The following ZDHHC15 variants were observed in gnomAD, a reference collection of about 807,000 sequenced individuals.
The protein encoded by ZDHHC15 is zDHHC palmitoyltransferase 15.
Under a neutral mutation model 31.7 loss-of-function variants are expected in ZDHHC15, and 19 were observed. The ratio of observed to expected loss-of-function variants is 0.60; its 90% CI spans 0.42 to 0.88. The LOEUF (loss-of-function observed/expected upper bound fraction) is 0.88, where lower values mean the gene tolerates loss of function less well. Ranked by LOEUF, ZDHHC15 falls within the 40% of genes least tolerant of loss-of-function variation. The pLI, the probability that ZDHHC15 is intolerant of heterozygous loss-of-function variation, is 0.00. For synonymous variants in ZDHHC15, 103 were observed against 90.0 expected, an observed-to-expected ratio of 1.14 and a Z score of -0.82; for missense variants, 209 against 251.2, an observed-to-expected ratio of 0.83 and a Z score of 1.14.
chrX:75,432,223 C>T (rs2083788805), intron 4 of ZDHHC15, among the ~76,000 whole-genome samples: 1 of 111,472 alleles, frequency 9.0e-6, no homozygotes, highest in African/African-American at 3.3e-5. Context: ...TTTCTTCCTT[C>T]CTTCCTTTCC....
At chrX:75,471,148 G>C (rs1170305956) in intron 3 of ZDHHC15, among the ~76,000 whole-genome samples, 1 of 112,394 alleles carries the variant, frequency 8.9e-6, no homozygotes, top group African/African-American at 3.2e-5. Flanking sequence ...TGCAGACATT[G>C]ACTTAGTAAA....
intron 2 of ZDHHC15, among the ~76,000 whole-genome samples, chrX:75,485,584 G>C (rs1238114923): frequency 9.0e-6 from 1 of 111,387 alleles, no homozygotes; most frequent in Non-Finnish European, 1.9e-5. Flanking sequence ...TGTTGGGAAA[G>C]GCAAAGGAGG....
At chrX:75,452,376 C>T (rs776193669) in intron 3 of ZDHHC15, among the ~76,000 whole-genome samples, 1 of 110,777 alleles carries the variant, frequency 9.0e-6, no homozygotes, top group African/African-American at 3.3e-5. Flanking sequence ...ACAGGAGCAC[C>T]CAGATTCATA....
intron 3 of ZDHHC15, among the ~76,000 whole-genome samples, chrX:75,462,401 A>G (rs1364649138): frequency 8.9e-6 from 1 of 112,378 alleles, no homozygotes; most frequent in Non-Finnish European, 1.9e-5. Flanking sequence ...GCAGAACCCG[A>G]ACACATCTCT....
At chrX:75,384,670 A>G (rs772211549) in intron 10 of ZDHHC15, 105 of 811,843 alleles carry the variant, frequency 1.3e-4, no homozygotes, top group Non-Finnish European at 1.8e-4. Context: ...CCTGAAACGC[A>G]TGAATGAAAA....
At chrX:75,406,991 G>C (rs1391612350) in intron 10 of ZDHHC15, among the ~76,000 whole-genome samples, 1 of 112,485 alleles carries the variant, frequency 8.9e-6, no homozygotes. Context: ...AGTGCTCAAT[G>C]TTGCCCAGGC....
intron 9 of ZDHHC15, among the ~76,000 whole-genome samples, chrX:75,420,246 C>T (rs901294711): frequency 9.9e-5 from 11 of 110,913 alleles, no homozygotes; most frequent in African/African-American, 3.6e-4. Context: ...AAATCAAAAC[C>T]ACAATGAGAC....
intron 1 of ZDHHC15, among the ~76,000 whole-genome samples, chrX:75,521,967 G>A (rs976766215): frequency 3.6e-5 from 4 of 110,831 alleles, no homozygotes; most frequent in Admixed American, 1.9e-4. Context: ...CTTGTGGGAG[G>A]GTAAAAGAGG....
chrX:75,470,731 T>C (rs1316040814), intron 3 of ZDHHC15, among the ~76,000 whole-genome samples: 1 of 111,597 alleles, frequency 9.0e-6, no homozygotes, highest in Non-Finnish European at 1.9e-5. Flanking sequence ...ACTCATCTTG[T>C]GGTCATTTCC....
chrX:75,409,641 A>C (rs2083461784), intron 10 of ZDHHC15, among the ~76,000 whole-genome samples: 1 of 106,779 alleles, frequency 9.4e-6, no homozygotes, highest in South Asian at 4.3e-4. Flanking sequence ...CTAAAAATAC[A>C]AAAATTAGCT....
At chrX:75,448,561 G>T (rs755937118) in intron 4 of ZDHHC15, among the ~76,000 whole-genome samples, 1 of 111,955 alleles carries the variant, frequency 8.9e-6, no homozygotes, top group Non-Finnish European at 1.9e-5. Flanking sequence ...TTATATCATA[G>T]TATTTAGTTT....
chrX:75,487,249 T>A (rs1487123980), intron 2 of ZDHHC15, among the ~76,000 whole-genome samples: 1 of 111,903 alleles, frequency 8.9e-6, no homozygotes, highest in Non-Finnish European at 1.9e-5. Flanking sequence ...TAAACAAAAA[T>A]ATAAGCAAGG....
chrX:75,513,368 G>A (rs1479197258), intron 1 of ZDHHC15, among the ~76,000 whole-genome samples: 2 of 111,722 alleles, frequency 1.8e-5, no homozygotes, highest in Non-Finnish European at 3.8e-5. Context: ...CTCCTCAAAA[G>A]CAACTAATGA....
At chrX:75,382,095 C>T (rs1401020326) in intron 10 of ZDHHC15, among the ~76,000 whole-genome samples, 1 of 112,031 alleles carries the variant, frequency 8.9e-6, no homozygotes, top group Admixed American at 9.5e-5. Context: ...TAATTAGTAG[C>T]ACCATTTTTA....
chrX:75,466,240 G>C (rs775698379), intron 3 of ZDHHC15, among the ~76,000 whole-genome samples: 1 of 112,191 alleles, frequency 8.9e-6, no homozygotes, highest in East Asian at 2.8e-4. Context: ...AAGCCACAAA[G>C]AGATACTATC....
intron 2 of ZDHHC15, among the ~76,000 whole-genome samples, chrX:75,500,435 C>A: frequency 9.1e-6 from 1 of 109,368 alleles, no homozygotes; most frequent in East Asian, 2.8e-4. Flanking sequence ...CACAGTATCA[C>A]TCAATTAAAA....
Position 75,486,961 on chromosome X carries a change from A to G in ZDHHC15, c.164-7976T>C, listed in dbSNP as rs767165056. On this transcript the variant is annotated intron_variant, in intron 2 of 11. Transcript: ENST00000373367. Reference sequence around the variant, plus strand: ...TCCTGGGAAATCTATGGCACCACCTATCACCTGAAAAACGTGAGTACCCAT... The same window carrying G: ...TCCTGGGAAATCTATGGCACCACCTGTCACCTGAAAAACGTGAGTACCCAT... 1.0e-3 allele frequency among the ~76,000 whole-genome samples: 115 copies of G among 111,090 alleles called. 2 individuals are homozygous for G. The highest frequency in any genetic ancestry group is 2.1e-3 in the Non-Finnish European group (112 of 53,014).
intron 2 of ZDHHC15, among the ~76,000 whole-genome samples, chrX:75,496,673 G>A (rs1200656325): frequency 9.0e-6 from 1 of 111,390 alleles, no homozygotes; most frequent in Non-Finnish European, 1.9e-5. Context: ...GACAACAGTG[G>A]AATAAAATTG....
chrX:75,487,837 C>G (rs1464243741), intron 2 of ZDHHC15, among the ~76,000 whole-genome samples: 2 of 111,623 alleles, frequency 1.8e-5, no homozygotes, highest in African/African-American at 3.3e-5. Flanking sequence ...AAAAGACAAA[C>G]ACAAATTCTG....
Sources: allele counts gnomAD v4.1 joint callset (sites outside exome capture counted in the v4.1 genomes callset), GRCh38; gene constraint gnomAD v4.1.1; transcripts MANE v1.5; gene names NCBI Gene and HGNC (gene_info 2026-07-23, HGNC 2026-07-21).